NOS1AP: variants seen among roughly 807,000 people sequenced by gnomAD.
NOS1AP encodes nitric oxide synthase 1 adaptor protein, also known as carboxyl-terminal PDZ ligand of neuronal nitric oxide synthase protein.
Under a neutral mutation model 56.2 loss-of-function variants are expected in NOS1AP, and 21 were observed. The observed-to-expected ratio is 0.37, with a 90% CI of 0.26 to 0.54. The LOEUF is 0.54. NOS1AP is among the 20% of genes least tolerant of loss of function. The probability of loss-of-function intolerance (pLI) is 0.84; values close to 1 mark genes in which losing one functional copy is unlikely to be tolerated. For missense variants in NOS1AP, 522 were observed against 657.8 expected (o/e 0.79, Z 2.26); for synonymous variants, 270 against 274.6 (o/e 0.98, Z 0.17).
At chr1:162,120,548 A>G (rs937975773) in intron 1 of NOS1AP, among the ~76,000 whole-genome samples, 3 of 152,248 alleles carry the variant, frequency 2.0e-5, no homozygotes, top group Non-Finnish European at 4.4e-5. Flanking sequence ...CCTCACAATC[A>G]TGGCAGAAGA....
intron 8 of NOS1AP, among the ~76,000 whole-genome samples, chr1:162,361,752 G>A (rs1009241854): frequency 3.3e-5 from 5 of 152,234 alleles, no homozygotes; most frequent in Non-Finnish European, 7.3e-5. Flanking sequence ...GCGATGGGAA[G>A]CATTTGAGTC....
intron 2 of NOS1AP, among the ~76,000 whole-genome samples, chr1:162,269,185 C>T (rs1654512585): frequency 6.6e-6 from 1 of 152,212 alleles, no homozygotes; most frequent in African/African-American, 2.4e-5. Context: ...AGAGTCATCT[C>T]TGTCACTTAA....
At chr1:162,329,751 G>A (rs897492621) in intron 4 of NOS1AP, among the ~76,000 whole-genome samples, 4 of 152,160 alleles carry the variant, frequency 2.6e-5, no homozygotes, top group African/African-American at 7.2e-5. Flanking sequence ...ATTAATTTGC[G>A]GATTTATTAG....
rs114831958 is a variant in NOS1AP at position 162,171,501 on chromosome 1, A to G, written c.177+17025A>G. Among the ~76,000 whole-genome samples the G allele has an allele frequency of 3.8e-3, 576 of 152,168 alleles. 8 individuals carry two copies. The highest frequency in any genetic ancestry group is 0.013 in the African/African-American group (535 of 41,512). ...TTCCACTTTGGTCCAGTTCTCAGCC[A>G]TCTCTTCCTGCCTCAGTGGCTGGCT... is the stretch of plus-strand genomic sequence containing the variant. On this transcript the variant is annotated intron_variant, in intron 2 of 9. Coordinates refer to ENST00000361897, the MANE Select transcript of NOS1AP (RefSeq NM_014697.3).
At chr1:162,094,773 G>C (rs1268091170) in intron 1 of NOS1AP, among the ~76,000 whole-genome samples, 3 of 152,200 alleles carry the variant, frequency 2.0e-5, no homozygotes, top group Non-Finnish European at 2.9e-5. Context: ...GTTGACTTCT[G>C]TCCTGTTAAT....
chr1:162,208,030 A>G (rs1652217710), intron 2 of NOS1AP, among the ~76,000 whole-genome samples: 1 of 152,206 alleles, frequency 6.6e-6, no homozygotes, highest in Non-Finnish European at 1.5e-5. Flanking sequence ...GAAGGTATGT[A>G]GACTGTGGTC....
At chr1:162,348,377 A>G (rs1362526770) in intron 6 of NOS1AP, among the ~76,000 whole-genome samples, 1 of 152,212 alleles carries the variant, frequency 6.6e-6, no homozygotes, top group Non-Finnish European at 1.5e-5. Flanking sequence ...GGTGACAGTG[A>G]CCATGAGTAC....
intron 1 of NOS1AP, among the ~76,000 whole-genome samples, chr1:162,084,308 G>T (rs539602725): frequency 6.6e-6 from 1 of 152,240 alleles, no homozygotes; most frequent in East Asian, 1.9e-4. Context: ...TCCTGTTCTA[G>T]CAGGAGAGCC....
chr1:162,227,295 G>A (rs534049843), intron 2 of NOS1AP, among the ~76,000 whole-genome samples: 1 of 152,220 alleles, frequency 6.6e-6, no homozygotes, highest in Non-Finnish European at 1.5e-5. Flanking sequence ...ACATTTCCTG[G>A]TGGACTTGTT....
At chr1:162,148,136 G>GACTATACA (rs1649560067) in intron 1 of NOS1AP, among the ~76,000 whole-genome samples, 2 of 152,210 alleles carry the variant, frequency 1.3e-5, no homozygotes, top group Non-Finnish European at 2.9e-5. Flanking sequence ...GTGTAATGGA[G>GACTATACA]GGCTGGAAGG....
At chr1:162,243,992 T>G (rs971728585) in intron 2 of NOS1AP, among the ~76,000 whole-genome samples, 2 of 152,306 alleles carry the variant, frequency 1.3e-5, no homozygotes, top group African/African-American at 4.8e-5. Flanking sequence ...CTATCAGAGC[T>G]CCGTCTGGAT....
At chr1:162,280,326 T>C (rs1263204381) in intron 2 of NOS1AP, among the ~76,000 whole-genome samples, 1 of 152,264 alleles carries the variant, frequency 6.6e-6, no homozygotes, top group East Asian at 1.9e-4. Flanking sequence ...CATAAGAATC[T>C]ATCTTGTTAC....
At position 162,070,148 on chromosome 1, in the gene NOS1AP, TC is replaced by T; in HGVS notation, c.-28del. 6.3e-7 allele frequency: 1 copy of T among 1,590,680 alleles called. No individual in the cohort carries two copies. On this transcript the variant is annotated 5_prime_UTR_variant, in exon 1 of 10. Coordinates refer to ENST00000361897, the MANE Select transcript of NOS1AP (RefSeq NM_014697.3). ...CCAGCCCCTTCCTGCAGCCGCCGCC[TC>T]CGAAGGAGCGGGTCCGCCGCGGGTA...
intron 2 of NOS1AP, among the ~76,000 whole-genome samples, chr1:162,230,465 A>T (rs981677823): frequency 6.6e-6 from 1 of 152,252 alleles, no homozygotes; most frequent in African/African-American, 2.4e-5. Context: ...CAGAATTTCT[A>T]CTAGTCACAT....
At chr1:162,339,393 G>C (rs1015938096) in intron 5 of NOS1AP, among the ~76,000 whole-genome samples, 7 of 110,564 alleles carry the variant, frequency 6.3e-5, no homozygotes, top group Admixed American at 5.5e-4. Context: ...GTATAATGAT[G>C]CTTTTTTTAA....
At chr1:162,082,889 CT>C (rs1182191590) in intron 1 of NOS1AP, among the ~76,000 whole-genome samples, 2 of 5,134 alleles carry the variant, frequency 3.9e-4, no homozygotes, top group African/African-American at 4.1e-4. Flanking sequence ...TCCTTTTTTT[CT>C]TTTTTTTTTT....
chr1:162,314,921 AC>A (rs2101771588), intron 4 of NOS1AP, among the ~76,000 whole-genome samples: 1 of 152,376 alleles, frequency 6.6e-6, no homozygotes, highest in Non-Finnish European at 1.5e-5. Context: ...GGAGAAAAAA[AC>A]AAACCAATCT....
rs565379843 is a variant in NOS1AP at position 162,268,033 on chromosome 1, C to T, written c.178-19311C>T. ...CTAGCAGTTTGGGAGACCAAGTGGG[C>T]GGGTTACTTGAGGTCAGGAGTTTGA... is the stretch of plus-strand genomic sequence containing the variant. On this transcript the variant is annotated intron_variant, in intron 2 of 9. Transcript: ENST00000361897. Among the ~76,000 whole-genome samples the T allele has an allele frequency of 3.9e-4, 59 of 151,960 alleles. 1 individual carries two copies. In the South Asian group the frequency reaches 0.011, roughly 28 times the overall value.
At chr1:162,143,839 G>A (rs928719054) in intron 1 of NOS1AP, among the ~76,000 whole-genome samples, 1 of 152,156 alleles carries the variant, frequency 6.6e-6, no homozygotes, top group Non-Finnish European at 1.5e-5. Context: ...ATGAAACAGA[G>A]GCTTGGTGAG....
Sources: gnomAD v4.1 joint callset for allele counts (sites outside exome capture counted in the v4.1 genomes callset) on GRCh38, gnomAD v4.1.1 for gene constraint, MANE v1.5 for transcripts, NCBI Gene and HGNC (gene_info 2026-07-23, HGNC 2026-07-21) for gene names.